The following AVEN variants were observed in gnomAD, a reference collection of about 807,000 sequenced individuals.
AVEN encodes cell death regulator Aven.
Under a neutral mutation model 38.1 loss-of-function variants are expected in AVEN, and 41 were observed. That is an observed-to-expected ratio of 1.08 (90% confidence interval 0.84 to 1.40). The LOEUF (loss-of-function observed/expected upper bound fraction) is 1.40, where lower values mean the gene tolerates loss of function less well. Among genes scored for constraint, AVEN ranks in the 40% most tolerant of loss-of-function variants. AVEN has a pLI of 0.00. For synonymous variants in AVEN, 206 were observed against 171.8 expected (o/e 1.20, Z -1.56); for missense variants, 605 against 438.8 (o/e 1.38, Z -3.38).
At chr15:34,007,934 T>C (rs926583928) in intron 1 of AVEN, among the ~76,000 whole-genome samples, 1 of 152,208 alleles carries the variant, frequency 6.6e-6, no homozygotes, top group African/African-American at 2.4e-5. Context: ...TCTTCTCCAT[T>C]CTTATGAGGA....
downstream of AVEN, chr15:33,865,758 GA>G (rs1459422423): frequency 6.5e-6 from 1 of 153,460 alleles, no homozygotes; most frequent in Non-Finnish European, 1.5e-5. Flanking sequence ...TGTCGACACT[GA>G]AATATCGATT....
chr15:33,884,413 G>C (rs775779515), intron 2 of AVEN, among the ~76,000 whole-genome samples: 2 of 152,110 alleles, frequency 1.3e-5, no homozygotes, highest in Admixed American at 6.6e-5. Context: ...AAAATAGTCT[G>C]TCTTACAGAA....
chr15:33,855,729 G>C (rs965516073), downstream of AVEN, among the ~76,000 whole-genome samples: 3 of 152,054 alleles, frequency 2.0e-5, no homozygotes, highest in Non-Finnish European at 2.9e-5. Flanking sequence ...TTTTATGTGT[G>C]TATATACATT....
At chr15:33,963,006 T>C (rs1310406066) in intron 2 of AVEN, among the ~76,000 whole-genome samples, 1 of 150,740 alleles carries the variant, frequency 6.6e-6, no homozygotes, top group Non-Finnish European at 1.5e-5. Context: ...TAAATCAAAA[T>C]TGTGGCCTTC....
At chr15:33,989,387 C>T (rs1695763584) in intron 2 of AVEN, among the ~76,000 whole-genome samples, 1 of 151,464 alleles carries the variant, frequency 6.6e-6, no homozygotes, top group African/African-American at 2.4e-5. Context: ...ACATGATCGT[C>T]ACAACTACCC....
chr15:33,970,231 T>C (rs562540062), intron 2 of AVEN, among the ~76,000 whole-genome samples: 1 of 152,080 alleles, frequency 6.6e-6, no homozygotes, highest in East Asian at 1.9e-4. Flanking sequence ...CACTGAATTC[T>C]TTCCTTTTTT....
downstream of AVEN, chr15:33,854,929 T>C (rs1379114425): frequency 6.2e-7 from 1 of 1,603,152 alleles, no homozygotes; most frequent in Non-Finnish European, 8.5e-7. Flanking sequence ...TTTCTACTGA[T>C]GCAGAACAGA....
downstream of AVEN, chr15:33,857,804 GC>G (rs1166377490): frequency 6.2e-7 from 1 of 1,614,038 alleles, no homozygotes; most frequent in Non-Finnish European, 8.5e-7. Context: ...CGGTCTCCTG[GC>G]CGTGGTGGTT....
rs1327134338 is a variant in AVEN, at chr15:33,867,972, A to AGAT, written c.613-120_613-118dup. On this transcript the variant is annotated intron_variant, in intron 4 of 5. Transcript: ENST00000306730. ...CTTTGTGACAGAGGAAACTCAATTC[A>AGAT]GATAGTTCACAAAGTGGCTCCTTTC... The AGAT allele has an allele frequency of 2.9e-6, 4 of 1,371,754 alleles. No homozygotes were observed. In the African/African-American group the frequency reaches 5.8e-5, roughly 20 times the overall value. 85.0% of individuals were successfully genotyped at this position (1,371,754 alleles called of 1,614,324 possible).
intron 2 of AVEN, among the ~76,000 whole-genome samples, chr15:34,068,845 T>C (rs1441080738): frequency 2.8e-5 from 4 of 141,926 alleles, no homozygotes; most frequent in African/African-American, 1.1e-4. Flanking sequence ...GGAGTCTCGC[T>C]CCTTTGCCCA....
At chr15:33,874,199 C>A (rs975411070) in intron 3 of AVEN, among the ~76,000 whole-genome samples, 1 of 152,142 alleles carries the variant, frequency 6.6e-6, no homozygotes, top group South Asian at 2.1e-4. Flanking sequence ...TATTTATTAT[C>A]TAATTTAGTC....
chr15:33,983,146 G>A (rs12594950), intron 2 of AVEN, among the ~76,000 whole-genome samples: 13,218 of 115,232 alleles, frequency 0.11, 781 homozygotes, highest in South Asian at 0.28. Context: ...GTGTGTGTGT[G>A]TGTGTGTGTG....
At chr15:33,898,730 A>G (rs1304158223) in intron 2 of AVEN, among the ~76,000 whole-genome samples, 1 of 152,222 alleles carries the variant, frequency 6.6e-6, no homozygotes, top group Non-Finnish European at 1.5e-5. Flanking sequence ...GGACTTGAAC[A>G]TATCTTTTAG....
chr15:33,918,051 T>C (rs1055088475), intron 2 of AVEN, among the ~76,000 whole-genome samples: 4 of 152,092 alleles, frequency 2.6e-5, no homozygotes, highest in African/African-American at 9.7e-5. Context: ...ATTTTGGATA[T>C]ATCCAGTTCA....
chr15:33,944,795 T>C (rs922085569), intron 2 of AVEN, among the ~76,000 whole-genome samples: 13 of 150,546 alleles, frequency 8.6e-5, no homozygotes, highest in Admixed American at 1.3e-4. Flanking sequence ...GGCGACAGAG[T>C]GAGACTCAGT....
chr15:33,859,791 T>G (rs1157668874), intron 11 of AVEN: 1 of 1,503,146 alleles, frequency 6.7e-7, no homozygotes, highest in African/African-American at 1.4e-5. Context: ...TTTGCTTTCT[T>G]CCATCTATGA....
At chr15:34,062,756 T>C in intron 5 of AVEN, 1 of 1,613,782 alleles carries the variant, frequency 6.2e-7, no homozygotes, top group African/African-American at 1.3e-5. Context: ...CCACCGTCAA[T>C]GGCACCCCAG....
chr15:33,999,029 G>A (rs1461903200), intron 2 of AVEN, among the ~76,000 whole-genome samples: 1 of 152,204 alleles, frequency 6.6e-6, no homozygotes, highest in Non-Finnish European at 1.5e-5. Context: ...TAGATGTTGT[G>A]CTGGGTCTCT....
intron 1 of AVEN, chr15:34,007,175 A>C: frequency 2.6e-6 from 1 of 391,402 alleles, no homozygotes; most frequent in Non-Finnish European, 3.5e-6. Context: ...CACACACACA[A>C]ATCCATTTAA....
Sources: gnomAD v4.1 joint callset for allele counts (sites outside exome capture counted in the v4.1 genomes callset) on GRCh38, gnomAD v4.1.1 for gene constraint, MANE v1.5 for transcripts, NCBI Gene and HGNC (gene_info 2026-07-23, HGNC 2026-07-21) for gene names.